The following CTNNA3 variants were observed in gnomAD, a reference collection of about 807,000 sequenced individuals.
The protein encoded by CTNNA3 is catenin alpha 3.
In CTNNA3, 76 loss-of-function variants were observed where a neutral mutation model predicts 95.7. That is an observed-to-expected ratio of 0.79 (90% CI 0.66 to 0.96). The LOEUF is 0.96. Ranked by LOEUF, CTNNA3 falls within the 40% of genes least tolerant of loss-of-function variation. The pLI, the probability that CTNNA3 is intolerant of heterozygous loss-of-function variation, is 0.00. For synonymous variants in CTNNA3, 431 were observed against 374.4 expected (o/e 1.15, Z -1.74); for missense variants, 1,191 against 1,089.8 (o/e 1.09, Z -1.31).
chr10:67,283,741 A>G (rs534720074), intron 5 of CTNNA3, among the ~76,000 whole-genome samples: 1 of 152,206 alleles, frequency 6.6e-6, no homozygotes, highest in South Asian at 2.1e-4. Flanking sequence ...TCCTCCTCCA[A>G]AACTTGTCTG....
intron 15 of CTNNA3, among the ~76,000 whole-genome samples, chr10:66,058,641 C>T (rs2080133003): frequency 6.6e-6 from 1 of 152,088 alleles, no homozygotes; most frequent in Middle Eastern, 3.2e-3. Context: ...CCTATTTGAT[C>T]CACATATTCC....
intron 7 of CTNNA3, among the ~76,000 whole-genome samples, chr10:66,800,108 T>C (rs938725987): frequency 1.9e-4 from 29 of 151,332 alleles, no homozygotes; most frequent in African/African-American, 6.5e-4. Flanking sequence ...TTTTTGATGG[T>C]ATACAGCACA....
intron 7 of CTNNA3, chr10:67,097,648 G>C (rs1858089941): frequency 1.2e-6 from 2 of 1,612,564 alleles, no homozygotes; most frequent in African/African-American, 1.3e-5. Flanking sequence ...ATAAGTTACT[G>C]TGGGGTGCAT....
intron 1 of CTNNA3, among the ~76,000 whole-genome samples, chr10:67,679,881 G>A (rs538754685): frequency 1.3e-5 from 2 of 152,232 alleles, no homozygotes; most frequent in East Asian, 1.9e-4. Context: ...GCCACTTCTA[G>A]GGATCTGAAC....
intron 17 of CTNNA3, among the ~76,000 whole-genome samples, chr10:65,951,743 T>C (rs909051730): frequency 6.6e-6 from 1 of 151,590 alleles, no homozygotes; most frequent in African/African-American, 2.4e-5. Flanking sequence ...GAACATGAGA[T>C]TCTAGGTCAG....
chr10:66,867,149 A>G (rs1844212473), intron 7 of CTNNA3, among the ~76,000 whole-genome samples: 1 of 150,666 alleles, frequency 6.6e-6, no homozygotes. Flanking sequence ...ACCCAGTCTC[A>G]GGTATGTCTT....
chr10:66,156,824 G>C (rs1288923103), intron 13 of CTNNA3, among the ~76,000 whole-genome samples: 1 of 151,796 alleles, frequency 6.6e-6, no homozygotes, highest in Non-Finnish European at 1.5e-5. Flanking sequence ...CTCATAATAA[G>C]GCTCAATTTT....
intron 9 of CTNNA3, among the ~76,000 whole-genome samples, chr10:66,634,097 A>T (rs1170137497): frequency 2.6e-5 from 4 of 152,146 alleles, no homozygotes; most frequent in Non-Finnish European, 5.9e-5. Context: ...AAATCAAGGT[A>T]ATTTCAACTT....
rs536948083 is a variant in CTNNA3, at chr10:67,041,106, C to CCAAG, written c.1047+139207_1047+139210dup. ...TAGTGTTATTTGGTCCATAGAGATG[C>CCAAG]CAAGGTATGTCAGTTGTCTCACTGA... On this transcript the variant is annotated intron_variant, in intron 7 of 17. Transcript: ENST00000433211. Among the ~76,000 whole-genome samples, 435 of 152,090 alleles carry CCAAG rather than the reference C, an allele frequency of 2.9e-3. 1 individual carries two copies. Among genetic ancestry groups the CCAAG allele is most frequent in the African/African-American group, 1.0e-2 (415 of 41,514 alleles).
At chr10:66,464,324 G>A (rs1838811889) in intron 11 of CTNNA3, among the ~76,000 whole-genome samples, 1 of 152,046 alleles carries the variant, frequency 6.6e-6, no homozygotes, top group African/African-American at 2.4e-5. Flanking sequence ...TAATGCTACT[G>A]GATCAACTCA....
At chr10:66,846,656 A>G (rs1019522057) in intron 7 of CTNNA3, among the ~76,000 whole-genome samples, 3 of 152,112 alleles carry the variant, frequency 2.0e-5, no homozygotes, top group Non-Finnish European at 4.4e-5. Flanking sequence ...AAAAAAAAGA[A>G]ATAAATTTGT....
At chr10:66,075,197 G>T (rs533328068) in intron 14 of CTNNA3, among the ~76,000 whole-genome samples, 1 of 151,584 alleles carries the variant, frequency 6.6e-6, no homozygotes, top group Admixed American at 6.6e-5. Context: ...ATCAAATATT[G>T]ATATGCTTAC....
intron 9 of CTNNA3, among the ~76,000 whole-genome samples, chr10:66,717,522 T>A (rs1055722524): frequency 6.6e-6 from 1 of 152,128 alleles, no homozygotes; most frequent in Non-Finnish European, 1.5e-5. Flanking sequence ...AAACGTTCAA[T>A]ACATGTCTGT....
In CTNNA3 at chr10:67,335,654, G is replaced by A. The variant is rs143703445; in HGVS notation, c.580-115784C>T. On this transcript the variant is annotated intron_variant, in intron 5 of 17. Transcript: ENST00000433211. ...TTTATTTCAATGTTTAATATTAAAA[G>A]TGTTTTGAGTCTTTACTTAGAAGTT... Among the ~76,000 whole-genome samples the A allele has an allele frequency of 7.3e-3, 1,112 of 152,256 alleles. 6 individuals carry two copies. Among genetic ancestry groups the A allele is most frequent in the Middle Eastern group, 0.017 (5 of 294 alleles).
intron 5 of CTNNA3, among the ~76,000 whole-genome samples, chr10:67,466,421 A>G (rs529637089): frequency 1.1e-4 from 16 of 152,332 alleles, no homozygotes; most frequent in African/African-American, 3.8e-4. Context: ...GGTATAATCA[A>G]TTGTTTTCTT....
rs542843587 is a variant in CTNNA3 at position 66,463,154 on chromosome 10, G to T, written c.1531+57463C>A. Among the ~76,000 whole-genome samples, 3 of 152,220 alleles carry T rather than the reference G, an allele frequency of 2.0e-5. No homozygotes were observed. The South Asian group carries it at 6.2e-4, about 32-fold the overall frequency. On this transcript the variant is annotated intron_variant, in intron 11 of 17. Coordinates refer to ENST00000433211, the MANE Select transcript of CTNNA3 (RefSeq NM_013266.4). ...TTTATCCACTGAAAAATCTCTTGTT[G>T]AAATTTGATGTCCAATGTTGGAGGT...
intron 5 of CTNNA3, among the ~76,000 whole-genome samples, chr10:67,513,622 T>C (rs1214305178): frequency 1.3e-5 from 2 of 152,174 alleles, no homozygotes; most frequent in Non-Finnish European, 2.9e-5. Flanking sequence ...AGTATGTTTT[T>C]CCCTGGAGAG....
intron 7 of CTNNA3, among the ~76,000 whole-genome samples, chr10:66,797,136 C>A (rs1268067182): frequency 6.6e-6 from 1 of 151,810 alleles, no homozygotes; most frequent in Non-Finnish European, 1.5e-5. Flanking sequence ...ACAAAAGTGC[C>A]TCAAGTGATT....
At chr10:66,678,517 TTATAAG>T (rs1846946604) in intron 9 of CTNNA3, among the ~76,000 whole-genome samples, 1 of 152,140 alleles carries the variant, frequency 6.6e-6, no homozygotes, top group Non-Finnish European at 1.5e-5. Context: ...AATTCAATGT[TTATAAG>T]TATGTTATAT....
Sources: allele counts gnomAD v4.1 joint callset (sites outside exome capture counted in the v4.1 genomes callset), GRCh38; gene constraint gnomAD v4.1.1; transcripts MANE v1.5; gene names NCBI Gene and HGNC (gene_info 2026-07-23, HGNC 2026-07-21).